EPHA10: variants seen among roughly 807,000 people sequenced by gnomAD.
The protein encoded by EPHA10 is ephrin type-A receptor 10.
Under a neutral mutation model 109.7 loss-of-function variants are expected in EPHA10, and 120 were observed. The ratio of observed to expected loss-of-function variants is 1.09; its 90% CI spans 0.94 to 1.27. The LOEUF (loss-of-function observed/expected upper bound fraction) is 1.27, where lower values mean the gene tolerates loss of function less well. EPHA10 is among the 50% of genes most tolerant of loss of function. EPHA10 has a pLI of 0.00. For missense variants in EPHA10, 1,396 were observed against 1,411.1 expected, an observed-to-expected ratio of 0.99 and a Z score of 0.17; for synonymous variants, 640 against 618.9, an observed-to-expected ratio of 1.03 and a Z score of -0.51.
chr1:37,719,812 A>G (rs1054682031), intron 14 of EPHA10, 97 bp downstream of exon 14: 11 of 1,587,288 alleles, frequency 6.9e-6, no homozygotes, highest in Non-Finnish European at 9.5e-6. Flanking sequence ...GAGGGGCCTG[A>G]GGCAGGAAGA....
At position 37,732,025 on chromosome 1, in the gene EPHA10, G is replaced by A. The variant is rs183103634; in HGVS notation, c.1492-443C>T. 8.4e-3 allele frequency among the ~76,000 whole-genome samples: 1,184 copies of A among 141,262 alleles called. 21 individuals are homozygous for A. Among genetic ancestry groups the A allele is most frequent in the African/African-American group, 0.029 (1,097 of 37,778 alleles). The allele number at this position is 141,262 out of a possible 152,430, so 92.7% of individuals were successfully genotyped here. ...CCACAAGGCTTTTCCTTTCCTCGATGTCTGATTTTTCACAACTGTCCTGCA... is the reference window on the plus strand; with the variant it reads ...CCACAAGGCTTTTCCTTTCCTCGATATCTGATTTTTCACAACTGTCCTGCA... On this transcript the variant is annotated intron_variant, in intron 6 of 16. Transcript: ENST00000373048.
chr1:37,743,908 A>G (rs1432215583), intron 5 of EPHA10, among the ~76,000 whole-genome samples: 1 of 151,252 alleles, frequency 6.6e-6, no homozygotes, highest in Admixed American at 6.6e-5. Context: ...ATATAGATAT[A>G]TAAAGACAGA....
chr1:37,735,794 A>G (rs1429620724), intron 5 of EPHA10, among the ~76,000 whole-genome samples: 2 of 152,084 alleles, frequency 1.3e-5, no homozygotes, highest in African/African-American at 4.8e-5. Flanking sequence ...AACGATTCCA[A>G]TGGTCTGGTC....
At chr1:37,722,986 A>G (rs2148313826) in intron 10 of EPHA10, 55 bp downstream of exon 10, 1 of 1,613,062 alleles carries the variant, frequency 6.2e-7, no homozygotes, top group Non-Finnish European at 8.5e-7. Context: ...GGCGGGGCCT[A>G]TAGAGTGGGT....
intron 5 of EPHA10, among the ~76,000 whole-genome samples, chr1:37,747,317 A>C (rs1354174155): frequency 1.3e-5 from 2 of 152,124 alleles, no homozygotes; most frequent in African/African-American, 4.8e-5. Context: ...TTGGGAGGCC[A>C]AGGCAGGTAG....
At chr1:37,761,384 G>A (rs745434222) in intron 3 of EPHA10, 21 bp downstream of exon 3, 4 of 1,598,620 alleles carry the variant, frequency 2.5e-6, no homozygotes, top group Non-Finnish European at 1.7e-6. Context: ...CCCACCCCAC[G>A]GCCCCCAGCC....
At chr1:37,751,236 G>A (rs945210534) in intron 5 of EPHA10, among the ~76,000 whole-genome samples, 138 of 73,278 alleles carry the variant, frequency 1.9e-3, no homozygotes, top group Middle Eastern at 8.2e-3. Context: ...GAAAGAAAAA[G>A]AAAAAGAAAA....
chr1:37,753,292 A>C, intron 4 of EPHA10, 66 bp from the exon 5 acceptor site: 2 of 200,970 alleles, frequency 1.0e-5, no homozygotes, highest in Non-Finnish European at 1.7e-5. Flanking sequence ...GGCGGGATGC[A>C]CGAGGGGGGG....
chr1:37,738,839 A>C (rs1165202430), intron 5 of EPHA10, among the ~76,000 whole-genome samples: 1 of 151,302 alleles, frequency 6.6e-6, no homozygotes, highest in African/African-American at 2.4e-5. Context: ...GGATGAGTTC[A>C]TGTCCTTTGC....
intron 5 of EPHA10, among the ~76,000 whole-genome samples, chr1:37,740,080 A>T (rs888931371): frequency 6.6e-6 from 1 of 152,160 alleles, no homozygotes; most frequent in Non-Finnish European, 1.5e-5. Context: ...AGTCTCAAAA[A>T]AAATAAATAA....
Position 37,753,145 on chromosome 1 carries a change from G to A in EPHA10, c.1088C>T (p.Ala363Val). Residue 363 changes from alanine to valine, a missense_variant, in exon 5 of 17, where the codon GCC becomes GTC. Coordinates refer to ENST00000373048, the MANE Select transcript of EPHA10 (RefSeq NM_001099439.2). ...GACGTCCGAGCGGCCTCCCGAGTCGGCCGGCGGCAGCCAGCGCAGTCGCAG... is the reference window on the plus strand; with the variant it reads ...GACGTCCGAGCGGCCTCCCGAGTCGACCGGCGGCAGCCAGCGCAGTCGCAG... Reference protein sequence around the residue: ...LVLRLRWLPPADSGGRSDVTY... With the variant: ...LVLRLRWLPPVDSGGRSDVTY... 3 of 1,407,142 alleles carry A rather than the reference G, an allele frequency of 2.1e-6. No homozygotes were observed. The highest frequency in any genetic ancestry group is 2.8e-6 in the Non-Finnish European group (3 of 1,080,464). 87.2% of individuals were successfully genotyped at this position (1,407,142 alleles called of 1,614,324 possible).
intron 5 of EPHA10, among the ~76,000 whole-genome samples, chr1:37,741,460 T>C (rs1374570333): frequency 6.6e-6 from 1 of 152,112 alleles, no homozygotes; most frequent in Non-Finnish European, 1.5e-5. Context: ...TCTTAAATGG[T>C]ATATATATCT....
intron 16 of EPHA10, 31 bp from the exon 17 acceptor site, chr1:37,718,517 C>T (rs1645729360): frequency 6.2e-7 from 1 of 1,612,508 alleles, no homozygotes; most frequent in Non-Finnish European, 8.5e-7. Context: ...ACTCGGCTGG[C>T]TTGTCCCCAA....
At chr1:37,762,315 G>C (rs149763458) in intron 2 of EPHA10, among the ~76,000 whole-genome samples, 3 of 152,316 alleles carry the variant, frequency 2.0e-5, no homozygotes, top group Non-Finnish European at 4.4e-5. Flanking sequence ...CATCAAGTTA[G>C]TGGTGGAGCT....
At chr1:37,761,308 CG>C in intron 3 of EPHA10, 96 bp downstream of exon 3, 1 of 1,548,264 alleles carries the variant, frequency 6.5e-7, no homozygotes, top group East Asian at 2.3e-5. Flanking sequence ...CACCGCCCCC[CG>C]ACCCCACACC....
rs11411840 is a variant in EPHA10 at position 37,741,758 on chromosome 1, T to TAA, written c.1358-6370_1358-6369dup. Among the ~76,000 whole-genome samples, 84 of 143,082 alleles carry TAA rather than the reference T, an allele frequency of 5.9e-4. 2 individuals carry two copies. The South Asian group carries it at 8.0e-3, about 14-fold the overall frequency. 93.9% of individuals were successfully genotyped at this position (143,082 alleles called of 152,430 possible). On this transcript the variant is annotated intron_variant, in intron 5 of 16. Transcript: ENST00000373048. Reference sequence around the variant, plus strand: ...TTCCTCCCTTCAGTGTCTGACCCTTTAAAAAAAAAAAAAAGCCAAGTCTTT... The same window carrying TAA: ...TTCCTCCCTTCAGTGTCTGACCCTTTAAAAAAAAAAAAAAAAGCCAAGTCTTT...
At position 37,720,855 on chromosome 1, in the gene EPHA10, G is replaced by T. The variant is rs1306092132; in HGVS notation, c.2147-11C>A. On this transcript the variant is annotated splice_polypyrimidine_tract_variant and intron_variant, in intron 11 of 16. Coordinates refer to ENST00000373048, the MANE Select transcript of EPHA10 (RefSeq NM_001099439.2). ...TCATCAAGGTGCTTCCTGTGCCCAG[G>T]GATGGGAACACACATGCTAAGTTGT... The T allele has an allele frequency of 6.2e-7, 1 of 1,613,964 alleles. No homozygotes were observed. The highest frequency in any genetic ancestry group is 2.2e-5 in the East Asian group (1 of 44,872).
rs190398192 is a variant in EPHA10, at chr1:37,723,176, A to G, written c.1835-10T>C. 1 of 1,611,630 alleles carries G rather than the reference A, an allele frequency of 6.2e-7. No homozygotes were observed. The highest frequency in any genetic ancestry group is 2.2e-5 in the East Asian group (1 of 44,848). Reference sequence around the variant, plus strand: ...CGTGTTGGGACTTTGACTGGGAGAGAAAGAGATGAGCCTGAGGAATGGGGC... The same window carrying G: ...CGTGTTGGGACTTTGACTGGGAGAGGAAGAGATGAGCCTGAGGAATGGGGC... On this transcript the variant is annotated splice_polypyrimidine_tract_variant and intron_variant, in intron 9 of 16. Transcript: ENST00000373048.
rs966432285 is a variant in EPHA10, at chr1:37,723,051, G to C, written c.1950C>G (p.Ser650Arg). The change falls in exon 10 of 17, where the codon AGC becomes AGG. Residue 650 changes from serine to arginine, a missense_variant. Ser to Arg is a moderately radical substitution (Grantham distance 110). Coordinates refer to ENST00000373048, the MANE Select transcript of EPHA10 (RefSeq NM_001099439.2). The part of the protein sequence containing the change: ...LDAKSVTLER[S>R]LGGGRFGELC... ...GGGCGCCCAGCTTGCCTCCTCCAAGGCTCCTCTCCAGCGTGACGCTTTTCG... is the reference window on the plus strand; with the variant it reads ...GGGCGCCCAGCTTGCCTCCTCCAAGCCTCCTCTCCAGCGTGACGCTTTTCG... 1.9e-6 allele frequency: 3 copies of C among 1,614,036 alleles called. No individual in the cohort carries two copies. Among genetic ancestry groups the C allele is most frequent in the Admixed American group, 1.7e-5 (1 of 60,006 alleles).
Sources: gnomAD v4.1 joint callset for allele counts (sites outside exome capture counted in the v4.1 genomes callset) on GRCh38, gnomAD v4.1.1 for gene constraint, MANE v1.5 for transcripts, NCBI Gene and HGNC (gene_info 2026-07-23, HGNC 2026-07-21) for gene names.